Variants in FRK observed in about 807,000 individuals in gnomAD.
FRK encodes the protein tyrosine-protein kinase FRK.
In FRK, 51 loss-of-function variants were observed where a neutral mutation model predicts 56.4. That is an observed-to-expected ratio of 0.90 (90% confidence interval 0.72 to 1.14). The LOEUF is 1.14. Among genes scored for constraint, FRK ranks in the 50% most tolerant of loss-of-function variants. The pLI is 0.00. For missense variants in FRK, 570 were observed against 601.4 expected (o/e 0.95, Z 0.55); for synonymous variants, 245 against 217.9 (o/e 1.12, Z -1.10).
At chr6:116,087,682 G>A in the FRK span, among the ~76,000 whole-genome samples, 13 of 152,240 alleles carry the variant, frequency 8.5e-5, no homozygotes, top group Non-Finnish European at 1.3e-4. Context: ...CCAACAGATG[G>A]AGACACCATT....
At chr6:116,093,807 CCT>C in the FRK span, among the ~76,000 whole-genome samples, 5 of 152,120 alleles carry the variant, frequency 3.3e-5, no homozygotes, top group African/African-American at 1.2e-4. Flanking sequence ...AATACACTCC[CCT>C]GTCACCTGAC....
chr6:115,993,512 G>A (rs986397160), intron 2 of FRK, among the ~76,000 whole-genome samples: 5 of 151,610 alleles, frequency 3.3e-5, no homozygotes, highest in African/African-American at 1.2e-4. Flanking sequence ...TTGAAACACT[G>A]TATTTTCAAT....
At chr6:116,091,660 G>A in the FRK span, among the ~76,000 whole-genome samples, 6 of 152,182 alleles carry the variant, frequency 3.9e-5, no homozygotes, top group East Asian at 1.9e-4. Context: ...CTTAGAATTC[G>A]GGGGCTAAAC....
At chr6:116,002,385 A>G (rs1322133087) in intron 2 of FRK, among the ~76,000 whole-genome samples, 1 of 152,178 alleles carries the variant, frequency 6.6e-6, no homozygotes, top group African/African-American at 2.4e-5. Flanking sequence ...TTGGGAGGCC[A>G]AGGGCGGTGG....
At chr6:116,037,709 T>C (rs928116252) in intron 1 of FRK, among the ~76,000 whole-genome samples, 1 of 152,252 alleles carries the variant, frequency 6.6e-6, no homozygotes, top group Non-Finnish European at 1.5e-5. Context: ...ATTTCTTTTA[T>C]TTTTGCCTTT....
chr6:115,944,141 T>A (rs1725219370), intron 6 of FRK, 103 bp downstream of exon 6: 1 of 950,768 alleles, frequency 1.1e-6, no homozygotes, highest in African/African-American at 1.7e-5. Context: ...ACTACAGAAC[T>A]TGGAGAAACA....
At chr6:116,039,076 G>A (rs1776609062) in intron 1 of FRK, 1 of 772,254 alleles carries the variant, frequency 1.3e-6, no homozygotes. Context: ...CAGATAAGCT[G>A]ATTGGGCAGA....
intron 5 of FRK, among the ~76,000 whole-genome samples, chr6:115,947,627 A>G (rs1375630066): frequency 6.6e-6 from 1 of 152,152 alleles, no homozygotes; most frequent in Non-Finnish European, 1.5e-5. Flanking sequence ...GAGCCACATG[A>G]GTCTAAATCC....
At chr6:116,090,774 G>A in the FRK span, among the ~76,000 whole-genome samples, 1 of 152,146 alleles carries the variant, frequency 6.6e-6, no homozygotes, top group Non-Finnish European at 1.5e-5. Context: ...AAGTCAAAGA[G>A]AGGTATTATA....
Position 115,935,507 on chromosome 6 carries a change from C to T in FRK, c.*6907G>A, listed in dbSNP as rs1473919831. The T allele has an allele frequency of 1.3e-5, 2 of 152,766 alleles. No individual in the cohort carries two copies. The highest frequency in any genetic ancestry group is 2.9e-5 in the Non-Finnish European group (2 of 68,480). The allele number at this position is 152,766 out of a possible 1,614,324, so 9.5% of individuals were successfully genotyped here. On this transcript the variant is annotated 3_prime_UTR_variant, in exon 8 of 8. Coordinates refer to ENST00000606080, the MANE Select transcript of FRK (RefSeq NM_002031.3). Reference sequence around the variant, plus strand: ...AATGCCAGCAAGGCAGAACCATTCACTCCCCTGGAAGGGGGGCTGAAGCCA... The same window carrying T: ...AATGCCAGCAAGGCAGAACCATTCATTCCCCTGGAAGGGGGGCTGAAGCCA...
chr6:116,085,988 A>G, the FRK span, among the ~76,000 whole-genome samples: 5 of 151,982 alleles, frequency 3.3e-5, no homozygotes, highest in East Asian at 9.7e-4. Flanking sequence ...CATTCTCATT[A>G]CCGTTTGAAT....
At position 115,933,655 on chromosome 6, in the gene FRK, A is replaced by T. The variant is rs1477729835; in HGVS notation, c.*8759T>A. The T allele has an allele frequency of 6.6e-6, 1 of 152,222 alleles. No homozygotes were observed. The highest frequency in any genetic ancestry group is 1.5e-5 in the Non-Finnish European group (1 of 68,024). 9.4% of individuals were successfully genotyped at this position (152,222 alleles called of 1,614,324 possible). ...GCTACCAAAAAGAAACAAACTATATAGTGGCTGAATTTGCATATTGAAATG... is the reference window on the plus strand; with the variant it reads ...GCTACCAAAAAGAAACAAACTATATTGTGGCTGAATTTGCATATTGAAATG... On this transcript the variant is annotated 3_prime_UTR_variant, in exon 8 of 8. Transcript: ENST00000606080.
the FRK span, among the ~76,000 whole-genome samples, chr6:116,098,487 CAAG>C: frequency 4.1e-4 from 63 of 152,216 alleles, no homozygotes; most frequent in African/African-American, 1.5e-3. Context: ...CCTCTTCTTA[CAAG>C]AATGCTAATC....
At chr6:115,984,898 TA>T (rs1774335043) in intron 2 of FRK, among the ~76,000 whole-genome samples, 1 of 152,110 alleles carries the variant, frequency 6.6e-6, no homozygotes, top group Non-Finnish European at 1.5e-5. Flanking sequence ...TTGGAGATCT[TA>T]ATTTAGAGAG....
At chr6:116,067,337 C>A in the FRK span, among the ~76,000 whole-genome samples, 1 of 152,118 alleles carries the variant, frequency 6.6e-6, no homozygotes, top group Non-Finnish European at 1.5e-5. Context: ...ATTACAGCAG[C>A]CCAAAGGAAC....
chr6:116,090,380 G>A, the FRK span, among the ~76,000 whole-genome samples: 1 of 152,234 alleles, frequency 6.6e-6, no homozygotes, highest in Non-Finnish European at 1.5e-5. Flanking sequence ...CAGGGTCTGA[G>A]GTGGTGACCT....
At chr6:116,042,704 CATA>C (rs1243108191) in intron 1 of FRK, among the ~76,000 whole-genome samples, 1 of 152,112 alleles carries the variant, frequency 6.6e-6, no homozygotes, top group Non-Finnish European at 1.5e-5. Context: ...CAGCTAGCAT[CATA>C]ATGACAGGAT....
the FRK span, among the ~76,000 whole-genome samples, chr6:116,068,580 T>C: frequency 4.8e-3 from 735 of 152,262 alleles, 2 homozygotes; most frequent in Non-Finnish European, 8.7e-3. Flanking sequence ...GCATGCCATG[T>C]CCTTAATATC....
the FRK span, among the ~76,000 whole-genome samples, chr6:116,076,781 T>C: frequency 2.0e-5 from 3 of 152,236 alleles, no homozygotes; most frequent in African/African-American, 7.2e-5. Context: ...ATACTTCTGT[T>C]GTTCCATGAG....
Sources: allele counts gnomAD v4.1 joint callset (sites outside exome capture counted in the v4.1 genomes callset), GRCh38; gene constraint gnomAD v4.1.1; transcripts MANE v1.5; gene names NCBI Gene and HGNC (gene_info 2026-07-23, HGNC 2026-07-21).